Variants in PIEZO2 observed in about 807,000 individuals in gnomAD.
The protein encoded by PIEZO2 is piezo-type mechanosensitive ion channel component 2.
Under a neutral mutation model 337.3 loss-of-function variants are expected in PIEZO2, and 172 were observed. The ratio of observed to expected loss-of-function variants is 0.51; its 90% CI spans 0.45 to 0.58. PIEZO2 has a LOEUF of 0.58. Ranked by LOEUF, PIEZO2 falls within the 20% of genes least tolerant of loss-of-function variation. The pLI, the probability that PIEZO2 is intolerant of heterozygous loss-of-function variation, is 0.00. For synonymous variants in PIEZO2, 1,251 were observed against 1,228.5 expected (o/e 1.02, Z -0.38); for missense variants, 3,028 against 3,391.3 (o/e 0.89, Z 2.66).
chr18:10,674,914 G>T (rs1430369017), intron 54 of PIEZO2, among the ~76,000 whole-genome samples: 1 of 152,148 alleles, frequency 6.6e-6, no homozygotes, highest in African/African-American at 2.4e-5. Context: ...TCAGTAATCT[G>T]GCTGCTAATA....
intron 3 of PIEZO2, among the ~76,000 whole-genome samples, chr18:10,941,029 C>A (rs946511149): frequency 6.6e-6 from 1 of 152,090 alleles, no homozygotes; most frequent in South Asian, 2.1e-4. Flanking sequence ...GGTTTACTTA[C>A]AGCATTACAA....
intron 7 of PIEZO2, among the ~76,000 whole-genome samples, chr18:10,844,688 C>T (rs1046361087): frequency 1.3e-5 from 2 of 150,378 alleles, no homozygotes; most frequent in Non-Finnish European, 2.9e-5. Flanking sequence ...ACTCGGGAGG[C>T]TGAGGCAGGA....
Position 10,691,782 on chromosome 18 carries a change from C to CACACACACACACACACATATAT in PIEZO2, c.7191-400_7191-399insATATATGTGTGTGTGTGTGTGT. On this transcript the variant is annotated intron_variant, in intron 47 of 55. Coordinates refer to ENST00000674853, the MANE Select transcript of PIEZO2 (RefSeq NM_001378183.1). ...AAATATATATAAACACACACACACA[C>CACACACACACACACACATATAT]ATATATATATATATATATAGAGAGA... is the stretch of plus-strand genomic sequence containing the variant. 5.1e-4 allele frequency among the ~76,000 whole-genome samples: 49 copies of CACACACACACACACACATATAT among 96,618 alleles called. 3 individuals are homozygous for CACACACACACACACACATATAT. Among genetic ancestry groups the CACACACACACACACACATATAT allele is most frequent in the East Asian group, 4.3e-3 (10 of 2,334 alleles). 63.4% of individuals were successfully genotyped at this position (96,618 alleles called of 152,430 possible). A position where few individuals can be genotyped will look rare whatever the true frequency, so the allele number is the denominator to read the frequency against.
rs1163053160 is a variant in PIEZO2 at position 10,850,673 on chromosome 18, TAC to T, written c.917+4678_917+4679del. Among the ~76,000 whole-genome samples the T allele has an allele frequency of 6.6e-6, 1 of 152,136 alleles. No homozygotes were observed. Among genetic ancestry groups the T allele is most frequent in the African/African-American group, 2.4e-5 (1 of 41,440 alleles). Reference sequence around the variant, plus strand: ...TAGAACATTTTATAACATAGGAAAATACACAGTTTGCATAAATACAGCAAATT... The same window carrying T: ...TAGAACATTTTATAACATAGGAAAATACAGTTTGCATAAATACAGCAAATT... On this transcript the variant is annotated intron_variant, in intron 7 of 55. Transcript: ENST00000674853. This position sits in a 1 kb window ranked among gnomAD's most constrained non-coding sequence, Gnocchi z 4.5.
intron 2 of PIEZO2, among the ~76,000 whole-genome samples, chr18:11,017,593 C>G (rs1331696928): frequency 6.6e-6 from 1 of 151,864 alleles, no homozygotes; most frequent in Non-Finnish European, 1.5e-5. Flanking sequence ...ATTTCATACC[C>G]ATTTATTTTC....
chr18:10,880,887 AT>A (rs1355374681), intron 4 of PIEZO2, among the ~76,000 whole-genome samples: 1 of 83,056 alleles, frequency 1.2e-5, no homozygotes, highest in Non-Finnish European at 2.5e-5. Flanking sequence ...ATATATATAT[AT>A]ATATATATAT....
At chr18:10,699,644 C>T (rs899675175) in intron 43 of PIEZO2, among the ~76,000 whole-genome samples, 1 of 152,128 alleles carries the variant, frequency 6.6e-6, no homozygotes, top group Non-Finnish European at 1.5e-5. Context: ...CGGACTAATA[C>T]ACAAGAAAAG....
rs2040269645 is a variant in PIEZO2, at chr18:10,813,778, C to T, written c.918-6504G>A. Reference sequence around the variant, plus strand: ...TAAGTGAAATTGTTGGATCGTATGACCATTCTATTTTTAATAGAGAAACTG... The same window carrying T: ...TAAGTGAAATTGTTGGATCGTATGATCATTCTATTTTTAATAGAGAAACTG... On this transcript the variant is annotated intron_variant, in intron 7 of 55. Transcript: ENST00000674853. This position sits in a 1 kb window ranked among gnomAD's most constrained non-coding sequence, Gnocchi z 4.2. Among the ~76,000 whole-genome samples, 2 of 152,080 alleles carry T rather than the reference C, an allele frequency of 1.3e-5. No individual in the cohort carries two copies. Among genetic ancestry groups the T allele is most frequent in the South Asian group, 4.2e-4 (2 of 4,808 alleles).
At chr18:11,075,281 GA>G (rs546686505) in intron 1 of PIEZO2, among the ~76,000 whole-genome samples, 12 of 151,548 alleles carry the variant, frequency 7.9e-5, no homozygotes, top group South Asian at 2.1e-4. Flanking sequence ...TTTATGAATA[GA>G]AAAAAAAGAG....
intron 1 of PIEZO2, among the ~76,000 whole-genome samples, chr18:11,122,945 T>C (rs1475042558): frequency 6.6e-6 from 1 of 150,754 alleles, no homozygotes; most frequent in Non-Finnish European, 1.5e-5. Flanking sequence ...ATATAAGTTA[T>C]ATGATAGCAT....
chr18:11,045,811 T>C (rs12373436), intron 2 of PIEZO2, among the ~76,000 whole-genome samples: 286 of 152,328 alleles, frequency 1.9e-3, no homozygotes, highest in Non-Finnish European at 3.1e-3. Flanking sequence ...TCTATACAAT[T>C]CAACTTACCC....
chr18:11,012,653 A>G (rs111853828), intron 2 of PIEZO2, among the ~76,000 whole-genome samples: 48 of 152,360 alleles, frequency 3.2e-4, no homozygotes, highest in African/African-American at 1.1e-3. Context: ...GAAACTAGGC[A>G]GCCATCCTTC....
chr18:10,948,603 TG>T (rs2033145143), intron 3 of PIEZO2, among the ~76,000 whole-genome samples: 1 of 152,192 alleles, frequency 6.6e-6, no homozygotes, highest in Non-Finnish European at 1.5e-5. Flanking sequence ...GAAATCACTT[TG>T]GCGATAGAGA....
chr18:10,855,086 T>A lies in PIEZO2; in HGVS notation c.917+267A>T, dbSNP rs2041666052. On this transcript the variant is annotated intron_variant, in intron 7 of 55. Transcript: ENST00000674853. The surrounding 1 kb of genome is among the most constrained non-coding windows in gnomAD (Gnocchi z 4.9). The stretch of plus-strand genomic sequence containing the variant: ...TGATCTTCTTCCCCAGCTGAGACTC[T>A]GTGTCTTATTCCTACACATGACAGC... Among the ~76,000 whole-genome samples the A allele has an allele frequency of 6.6e-6, 1 of 152,208 alleles. No individual in the cohort carries two copies. Among genetic ancestry groups the A allele is most frequent in the Non-Finnish European group, 1.5e-5 (1 of 68,036 alleles).
At chr18:10,939,763 G>C (rs2032621091) in intron 3 of PIEZO2, among the ~76,000 whole-genome samples, 1 of 152,096 alleles carries the variant, frequency 6.6e-6, no homozygotes, top group South Asian at 2.1e-4. Flanking sequence ...ACTGTGGCCT[G>C]TCAGGGGTTA....
At chr18:10,974,284 G>C (rs2034353848) in intron 3 of PIEZO2, among the ~76,000 whole-genome samples, 2 of 152,138 alleles carry the variant, frequency 1.3e-5, no homozygotes, top group Admixed American at 1.3e-4. Flanking sequence ...TTTCTTGGTT[G>C]GTGGGCTTCT....
chr18:10,846,524 C>T lies in PIEZO2; in HGVS notation c.917+8829G>A, dbSNP rs1241636497. Among the ~76,000 whole-genome samples the T allele has an allele frequency of 6.6e-6, 1 of 152,084 alleles. No homozygotes were observed. The highest frequency in any genetic ancestry group is 1.5e-5 in the Non-Finnish European group (1 of 68,020). On this transcript the variant is annotated intron_variant, in intron 7 of 55. Transcript: ENST00000674853. This position sits in a 1 kb window ranked among gnomAD's most constrained non-coding sequence, Gnocchi z 4.1. ...AGAAAAGAAGCTTGAACTAAGAGTT[C>T]CTGAGAGGCCAATGTATGTCAGCAG... is the stretch of plus-strand genomic sequence containing the variant.
chr18:11,093,638 G>A (rs1455309621), intron 1 of PIEZO2, among the ~76,000 whole-genome samples: 1 of 131,834 alleles, frequency 7.6e-6, no homozygotes, highest in Non-Finnish European at 1.5e-5. Context: ...CCAGGCTGGA[G>A]TGCAGTGGCG....
intron 2 of PIEZO2, among the ~76,000 whole-genome samples, chr18:11,008,765 C>T (rs1181553289): frequency 6.6e-6 from 1 of 152,160 alleles, no homozygotes; most frequent in African/African-American, 2.4e-5. Flanking sequence ...GTAAACAACA[C>T]CCAGTCCCTG....
Sources: gnomAD v4.1 joint callset for allele counts (sites outside exome capture counted in the v4.1 genomes callset) on GRCh38, gnomAD v4.1.1 for gene constraint, Gnocchi (gnomAD v3.1) non-coding constraint, MANE v1.5 for transcripts, NCBI Gene and HGNC (gene_info 2026-07-23, HGNC 2026-07-21) for gene names.